Variants in ARHGAP5 observed in about 807,000 individuals in gnomAD.
ARHGAP5 encodes the protein rho GTPase-activating protein 5.
ARHGAP5 carries 23 observed loss-of-function variants against 116.6 expected under a neutral mutation model. That is an observed-to-expected ratio of 0.20 (90% confidence interval 0.14 to 0.28). The LOEUF is 0.28. Among genes scored for constraint, ARHGAP5 ranks in the 10% least tolerant of loss-of-function variants. ARHGAP5 has a pLI of 1.00. For synonymous variants in ARHGAP5, 574 were observed against 602.0 expected, an observed-to-expected ratio of 0.95 and a Z score of 0.68; for missense variants, 1,405 against 1,774.8, an observed-to-expected ratio of 0.79 and a Z score of 3.74.
At chr14:32,126,719 G>T (rs1459571842) in intron 3 of ARHGAP5, among the ~76,000 whole-genome samples, 1 of 152,002 alleles carries the variant, frequency 6.6e-6, no homozygotes, top group Non-Finnish European at 1.5e-5. Flanking sequence ...ATTTTTCTGT[G>T]TCAGTTGAGA....
At chr14:32,087,490 C>CTTT (rs756495863) in intron 1 of ARHGAP5, among the ~76,000 whole-genome samples, 2 of 126,150 alleles carry the variant, frequency 1.6e-5, no homozygotes, top group African/African-American at 6.0e-5. Flanking sequence ...CCCTCCCCCG[C>CTTT]TTTTTTTTTT....
Position 32,152,487 on chromosome 14 carries a change from A to G in ARHGAP5, c.4140A>G (p.Val1380=). 1 of 1,605,390 alleles carries G rather than the reference A, an allele frequency of 6.2e-7. No homozygotes were observed. Among genetic ancestry groups the G allele is most frequent in the South Asian group, 1.1e-5 (1 of 88,610 alleles). ...LKEIVKKFHP[V]NYDVFRYVIT... ...AAATTGTTAAGAAATTTCATCCTGT[A>G]AACTATGATGTATTCAGATACGTGA... The change falls in exon 6 of 7, where the codon GTA becomes GTG. Residue 1380 remains valine, a synonymous_variant. Transcript: ENST00000345122.
chr14:32,101,962 G>A (rs1452465186), intron 2 of ARHGAP5, among the ~76,000 whole-genome samples: 1 of 151,738 alleles, frequency 6.6e-6, no homozygotes, highest in Non-Finnish European at 1.5e-5. Context: ...CAGCCTGGGC[G>A]ACAGAGCGAG....
intron 6 of ARHGAP5, among the ~76,000 whole-genome samples, chr14:32,152,976 A>G (rs1392557231): frequency 6.6e-6 from 1 of 151,734 alleles, no homozygotes; most frequent in Non-Finnish European, 1.5e-5. Flanking sequence ...CTATTTTAGT[A>G]TATGTACTAA....
intron 2 of ARHGAP5, among the ~76,000 whole-genome samples, chr14:32,098,183 G>A (rs536244326): frequency 6.6e-6 from 1 of 152,290 alleles, no homozygotes; most frequent in South Asian, 2.1e-4. Context: ...GGGTGGAATG[G>A]TGGTAGTGTG....
intron 4 of ARHGAP5, among the ~76,000 whole-genome samples, chr14:32,148,906 C>T (rs575065696): frequency 6.6e-6 from 1 of 152,000 alleles, no homozygotes; most frequent in Middle Eastern, 3.4e-3. Context: ...TTTTTTTAGT[C>T]GGAACTTCAC....
At chr14:32,147,058 TATG>T (rs1388868148) in intron 4 of ARHGAP5, among the ~76,000 whole-genome samples, 1 of 152,212 alleles carries the variant, frequency 6.6e-6, no homozygotes, top group Non-Finnish European at 1.5e-5. Context: ...TAATTTGACT[TATG>T]ATTGATCGGC....
intron 3 of ARHGAP5, among the ~76,000 whole-genome samples, chr14:32,128,171 C>T (rs966991256): frequency 1.0e-4 from 15 of 150,638 alleles, no homozygotes; most frequent in African/African-American, 2.5e-4. Flanking sequence ...GGATGACGGC[C>T]GGGAAGAGGC....
chr14:32,142,207 A>G (rs1482153495), intron 3 of ARHGAP5, among the ~76,000 whole-genome samples: 3 of 152,154 alleles, frequency 2.0e-5, no homozygotes, highest in Non-Finnish European at 4.4e-5. Context: ...TGATTTTTTA[A>G]AAGAACTTTT....
intron 2 of ARHGAP5, among the ~76,000 whole-genome samples, chr14:32,112,052 T>C (rs963752457): frequency 6.6e-6 from 1 of 151,958 alleles, no homozygotes; most frequent in Admixed American, 6.6e-5. Context: ...CTCCTGACAT[T>C]GCGATCCGCC....
chr14:32,154,505 C>A, intron 6 of ARHGAP5, 116 bp from the exon 7 acceptor site: 1 of 958,066 alleles, frequency 1.0e-6, no homozygotes, highest in Non-Finnish European at 1.5e-6. Flanking sequence ...ATTTTTAAAC[C>A]CCAGGTTTGA....
chr14:32,096,941 A>C (rs1197714361), intron 2 of ARHGAP5, among the ~76,000 whole-genome samples: 1 of 152,228 alleles, frequency 6.6e-6, no homozygotes, highest in Non-Finnish European at 1.5e-5. Flanking sequence ...GAAATCGACT[A>C]ACCTCTGAAA....
rs746694228 is a variant in ARHGAP5 at position 32,091,113 on chromosome 14, A to C, written c.444A>C (p.Gln148His). ...TAGAACAAGACTTTGAACAGAAGCA[A>C]ATGCCTGAAGGGAAGCTCAACGTAG... ...LGLEQDFEQKQMPEGKLNVDG... is the reference protein window; with the variant it reads ...LGLEQDFEQKHMPEGKLNVDG... Residue 148 changes from glutamine to histidine, a missense_variant, in exon 2 of 7, where the codon CAA becomes CAC. By Grantham distance (24) the Gln-to-His change is conservative. Around this residue, in one of 6 missense-constraint regions of ARHGAP5, gnomAD observed 190 missense variants for 314.9 expected, o/e 0.60. Coordinates refer to ENST00000345122, the MANE Select transcript of ARHGAP5 (RefSeq NM_001030055.2). 1 of 1,613,566 alleles carries C rather than the reference A, an allele frequency of 6.2e-7. No individual in the cohort carries two copies.
intron 1 of ARHGAP5, among the ~76,000 whole-genome samples, chr14:32,080,329 A>G (rs2041759430): frequency 6.7e-6 from 1 of 149,928 alleles, no homozygotes; most frequent in Non-Finnish European, 1.5e-5. Context: ...TAAGAAAAAT[A>G]TTTATTATTT....
Position 32,092,540 on chromosome 14 carries a change from C to T in ARHGAP5, c.1871C>T (p.Ala624Val), listed in dbSNP as rs1051876433. 2 of 1,613,512 alleles carry T rather than the reference C, an allele frequency of 1.2e-6. No homozygotes were observed. The highest frequency in any genetic ancestry group is 2.7e-5 in the African/African-American group (2 of 74,896). The change falls in exon 2 of 7, where the codon GCC becomes GTC. Residue 624 changes from alanine (A) to valine (V), a missense_variant. By Grantham distance (64) the Ala-to-Val change is moderately conservative (BLOSUM62 0). This residue lies in a region of ARHGAP5 where 944 missense variants were observed against 1,095.3 expected (regional missense o/e 0.86). Transcript: ENST00000345122. This position sits in a 1 kb window ranked among gnomAD's most constrained non-coding sequence, Gnocchi z 4.1. Reference protein sequence around the residue: ...IRTQSTDDEYALDGKIYELDL... With the variant: ...IRTQSTDDEYVLDGKIYELDL... ...ACACAATCCACTGATGATGAGTATG[C>T]CTTAGATGGAAAAATTTATGAACTT...
chr14:32,086,495 G>GA lies in ARHGAP5; in HGVS notation c.-168-4006dup, dbSNP rs1405847152. Among the ~76,000 whole-genome samples, 2 of 151,992 alleles carry GA rather than the reference G, an allele frequency of 1.3e-5. 1 individual carries two copies. The highest frequency in any genetic ancestry group is 4.8e-5 in the African/African-American group (2 of 41,334). ...TCTTGGGCCAGAGATATTGATGGGTGAGAGCAGTAAAAGTAGAAAAAACTG... is the reference window on the plus strand; with the variant it reads ...TCTTGGGCCAGAGATATTGATGGGTGAAGAGCAGTAAAAGTAGAAAAAACTG... On this transcript the variant is annotated intron_variant, in intron 1 of 6. Transcript: ENST00000345122.
At chr14:32,135,536 C>A (rs1318971110) in intron 3 of ARHGAP5, among the ~76,000 whole-genome samples, 1 of 152,240 alleles carries the variant, frequency 6.6e-6, no homozygotes, top group Non-Finnish European at 1.5e-5. Flanking sequence ...AGTTCTCCTG[C>A]CTCAGCCTCC....
At chr14:32,088,427 T>C (rs1014591925) in intron 1 of ARHGAP5, among the ~76,000 whole-genome samples, 3 of 152,012 alleles carry the variant, frequency 2.0e-5, no homozygotes, top group African/African-American at 7.2e-5. Context: ...TCCTTAATTG[T>C]TAGATATGGA....
At chr14:32,148,146 G>A (rs1881467207) in intron 4 of ARHGAP5, among the ~76,000 whole-genome samples, 1 of 149,758 alleles carries the variant, frequency 6.7e-6, no homozygotes, top group South Asian at 2.1e-4. Context: ...GAGCGAGACT[G>A]CATCTCAAAA....
Sources: allele counts gnomAD v4.1 joint callset (sites outside exome capture counted in the v4.1 genomes callset), GRCh38; gene constraint gnomAD v4.1.1; regional missense constraint gnomAD v4.1.1; non-coding constraint Gnocchi (gnomAD v3.1); transcripts MANE v1.5; gene names NCBI Gene and HGNC (gene_info 2026-07-23, HGNC 2026-07-21).